Variants in ATP9B observed in about 807,000 individuals in gnomAD.
ATP9B encodes probable phospholipid-transporting ATPase IIB.
Under a neutral mutation model 146.1 loss-of-function variants are expected in ATP9B, and 110 were observed. That is an observed-to-expected ratio of 0.75 (90% CI 0.65 to 0.88). ATP9B has a LOEUF of 0.88. ATP9B is among the 40% of genes least tolerant of loss of function. The pLI, the probability that ATP9B is intolerant of heterozygous loss-of-function variation, is 0.00. For synonymous variants in ATP9B, 604 were observed against 569.7 expected, an observed-to-expected ratio of 1.06 and a Z score of -0.86; for missense variants, 1,499 against 1,496.4, an observed-to-expected ratio of 1.00 and a Z score of -0.03.
rs888089137 is a variant in ATP9B at position 79,320,061 on chromosome 18, G to A, written c.1774-9080G>A. ...CTGGAGAGTCCTGACACGGAGTGCC[G>A]AGAACGTGCCCATTTATGGTTTTGC... On this transcript the variant is annotated intron_variant, in intron 15 of 29. Coordinates refer to ENST00000426216, the MANE Select transcript of ATP9B (RefSeq NM_198531.5). Among the ~76,000 whole-genome samples the A allele has an allele frequency of 2.0e-4, 30 of 152,184 alleles. 1 individual carries two copies. The highest frequency in any genetic ancestry group is 3.8e-4 in the Non-Finnish European group (26 of 68,044).
rs2095537111 is a variant in ATP9B, at chr18:79,206,663, T to A, written c.955-274T>A. On this transcript the variant is annotated intron_variant, in intron 9 of 29. Coordinates refer to ENST00000426216, the MANE Select transcript of ATP9B (RefSeq NM_198531.5). ...AAATAAATAAATAAATAAATAAATA[T>A]TAGAAGGTATAGTACTTTCATGAAA... Among the ~76,000 whole-genome samples, 12 of 131,470 alleles carry A rather than the reference T, an allele frequency of 9.1e-5. No homozygotes were observed. The South Asian group carries it at 3.0e-3, about 33-fold the overall frequency. The allele number at this position is 131,470 out of a possible 152,430, so 86.2% of individuals were successfully genotyped here. A position where few individuals can be genotyped will look rare whatever the true frequency, so the allele number is the denominator to read the frequency against.
At chr18:79,376,696 CTTTT>C (rs35556122) in intron 29 of ATP9B, among the ~76,000 whole-genome samples, 13 of 129,294 alleles carry the variant, frequency 1.0e-4, no homozygotes, top group Non-Finnish European at 2.1e-4. Context: ...GGCCTACAAC[CTTTT>C]TTTTTTTTTT....
chr18:79,231,320 A>G (rs2095789435), intron 11 of ATP9B, among the ~76,000 whole-genome samples: 1 of 152,214 alleles, frequency 6.6e-6, no homozygotes, highest in African/African-American at 2.4e-5. Flanking sequence ...CAGTCCCATG[A>G]AAAAGTGGGC....
chr18:79,337,367 T>G lies in ATP9B; in HGVS notation c.2201T>G (p.Leu734Arg). 6.2e-7 allele frequency: 1 copy of G among 1,614,130 alleles called. No individual in the cohort carries two copies. The highest frequency in any genetic ancestry group is 8.5e-7 in the Non-Finnish European group (1 of 1,180,040). Reference protein sequence around the residue: ...VVESLEREMELLCLTGVEDQL... With the variant: ...VVESLEREMERLCLTGVEDQL... ...GAGAGCCTGGAGAGGGAGATGGAAC[T>G]GCTGTGCCTCACCGGCGTGGAGGAC... The change falls in exon 19 of 30, where the codon CTG becomes CGG. Residue 734 changes from leucine to arginine, a missense_variant. Leu to Arg is a moderately radical substitution (Grantham distance 102). Transcript: ENST00000426216.
chr18:79,261,606 G>T (rs1443381444), intron 12 of ATP9B, among the ~76,000 whole-genome samples: 1 of 152,134 alleles, frequency 6.6e-6, no homozygotes, highest in African/African-American at 2.4e-5. Flanking sequence ...CTTCCAGATG[G>T]TGAGAAAATA....
chr18:79,278,454 G>A (rs928437842), intron 13 of ATP9B, among the ~76,000 whole-genome samples: 7 of 152,324 alleles, frequency 4.6e-5, no homozygotes, highest in South Asian at 2.1e-4. Context: ...GTCAGGTAAC[G>A]TAAGGGTTCT....
chr18:79,143,678 A>G (rs533621804), intron 5 of ATP9B, 124 bp from the exon 6 acceptor site: 2 of 560,768 alleles, frequency 3.6e-6, no homozygotes, highest in Admixed American at 3.2e-5. Context: ...AAGTACAAGT[A>G]TAGGGAAATT....
chr18:79,129,499 C>G (rs2147232600), intron 5 of ATP9B, among the ~76,000 whole-genome samples: 1 of 152,200 alleles, frequency 6.6e-6, no homozygotes, highest in Non-Finnish European at 1.5e-5. Context: ...GTTTCCTCCT[C>G]CCCCCTGCCC....
intron 9 of ATP9B, 114 bp from the exon 10 acceptor site, chr18:79,206,823 C>G: frequency 1.1e-6 from 1 of 922,660 alleles, no homozygotes; most frequent in South Asian, 1.6e-5. Context: ...TGCCTTTGCA[C>G]TGCTGTTCAC....
At chr18:79,139,805 G>A (rs999949698) in intron 5 of ATP9B, among the ~76,000 whole-genome samples, 5 of 151,816 alleles carry the variant, frequency 3.3e-5, no homozygotes, top group Non-Finnish European at 7.4e-5. Flanking sequence ...AACCATCCTC[G>A]CTTCCCCCCA....
At chr18:79,335,717 A>G (rs1196231840) in intron 17 of ATP9B, among the ~76,000 whole-genome samples, 1 of 152,174 alleles carries the variant, frequency 6.6e-6, no homozygotes, top group African/African-American at 2.4e-5. Flanking sequence ...CTTACTGCTC[A>G]TGATTGGCTG....
chr18:79,109,634 T>C (rs1417066186), intron 2 of ATP9B, among the ~76,000 whole-genome samples: 1 of 151,700 alleles, frequency 6.6e-6, no homozygotes, highest in Non-Finnish European at 1.5e-5. Context: ...GGCATTGTCT[T>C]GGCTCACTGC....
chr18:79,148,928 G>T (rs975035872), intron 6 of ATP9B, among the ~76,000 whole-genome samples: 1 of 152,168 alleles, frequency 6.6e-6, no homozygotes, highest in Admixed American at 6.5e-5. Context: ...TAATGAAAAT[G>T]TGGGCACAGA....
At chr18:79,244,332 T>TCACA (rs1448932118) in intron 11 of ATP9B, among the ~76,000 whole-genome samples, 1 of 152,210 alleles carries the variant, frequency 6.6e-6, no homozygotes, top group Non-Finnish European at 1.5e-5. Flanking sequence ...CTCTTCTGAA[T>TCACA]CACAGCCTTT....
intron 1 of ATP9B, among the ~76,000 whole-genome samples, chr18:79,090,841 G>A (rs993213017): frequency 3.3e-5 from 5 of 152,048 alleles, no homozygotes; most frequent in South Asian, 2.1e-4. Flanking sequence ...GGGTATTGCC[G>A]AAGAAGTCTT....
At chr18:79,118,542 A>G (rs1365490666) in intron 4 of ATP9B, among the ~76,000 whole-genome samples, 1 of 151,560 alleles carries the variant, frequency 6.6e-6, no homozygotes, top group African/African-American at 2.4e-5. Flanking sequence ...CTGGGACTAC[A>G]GATACCTGCC....
rs372879560 is a variant in ATP9B at position 79,345,522 on chromosome 18, G to A, written c.2567G>A (p.Arg856His). 1.1e-5 allele frequency: 17 copies of A among 1,612,204 alleles called. No homozygotes were observed. Among genetic ancestry groups the A allele is most frequent in the Middle Eastern group, 1.6e-4 (1 of 6,084 alleles). Residue 856 changes from arginine to histidine, a missense_variant, in exon 22 of 30, where the codon CGC becomes CAC. Coordinates refer to ENST00000426216, the MANE Select transcript of ATP9B (RefSeq NM_198531.5). ...CCRCSPTQKA[R>H]IVTLLQQHTG... ...CGCTGCTCACCCACCCAGAAGGCCC[G>A]CATTGTGACACTGCTGCAGCAGCAC...
chr18:79,209,836 A>G, intron 10 of ATP9B: 1 of 225,254 alleles, frequency 4.4e-6, no homozygotes, highest in Non-Finnish European at 7.4e-6. Context: ...ACAGTTACAC[A>G]TTCTATATAC....
chr18:79,173,710 A>G (rs1386789873), intron 7 of ATP9B: 1 of 455,898 alleles, frequency 2.2e-6, no homozygotes, highest in African/African-American at 2.0e-5. Flanking sequence ...AGTATCAAAC[A>G]ATCTTGATTA....
Sources: gnomAD v4.1 joint callset for allele counts (sites outside exome capture counted in the v4.1 genomes callset) on GRCh38, gnomAD v4.1.1 for gene constraint, MANE v1.5 for transcripts, NCBI Gene and HGNC (gene_info 2026-07-23, HGNC 2026-07-21) for gene names.